GRM8: variants seen among roughly 807,000 people sequenced by gnomAD.
GRM8 encodes the protein glutamate metabotropic receptor 8.
A neutral mutation model predicts 87.2 loss-of-function variants in GRM8; 47 were observed. The observed-to-expected ratio is 0.54, with a 90% confidence interval of 0.43 to 0.69. The LOEUF (loss-of-function observed/expected upper bound fraction) is 0.69. Among genes scored for constraint, GRM8 ranks in the 30% least tolerant of loss-of-function variants. The pLI is 0.00. For missense variants in GRM8, 1,019 were observed against 1,139.2 expected (o/e 0.89, Z 1.52); for synonymous variants, 396 against 404.5 (o/e 0.98, Z 0.25).
intron 8 of GRM8, among the ~76,000 whole-genome samples, chr7:126,540,130 T>A (rs557269009): frequency 1.3e-5 from 2 of 152,194 alleles, no homozygotes; most frequent in African/African-American, 4.8e-5. Flanking sequence ...ATAATCCAAT[T>A]ACAAATGAGC....
chr7:127,243,032 C>T lies in GRM8; in HGVS notation c.173G>A (p.Gly58Glu). The T allele has an allele frequency of 1.2e-6, 2 of 1,614,050 alleles. No individual in the cohort carries two copies. Among genetic ancestry groups the T allele is most frequent in the South Asian group, 1.1e-5 (1 of 91,084 alleles). The change falls in exon 2 of 11, where the codon GGA (glycine) becomes GAA (glutamate). Residue 58 changes from glycine to glutamate, a missense_variant. By Grantham distance (98) the Gly-to-Glu change is moderately conservative (BLOSUM62 -2). Coordinates refer to ENST00000339582, the MANE Select transcript of GRM8 (RefSeq NM_000845.3). ...CTCCCCACAAGGCACCCCTCTCTCTCCCTTTGCGTGGACAGGGAAGAGACC... is the reference window on the plus strand; with the variant it reads ...CTCCCCACAAGGCACCCCTCTCTCTTCCTTTGCGTGGACAGGGAAGAGACC... ...LGGLFPVHAK[G>E]ERGVPCGELK...
chr7:126,797,940 T>C (rs1426051090), intron 6 of GRM8, among the ~76,000 whole-genome samples: 1 of 152,084 alleles, frequency 6.6e-6, no homozygotes, highest in African/African-American at 2.4e-5. Flanking sequence ...AATATTGAAC[T>C]GATAGTATTT....
At chr7:126,902,885 C>A (rs1190173493) in intron 5 of GRM8, among the ~76,000 whole-genome samples, 1 of 152,266 alleles carries the variant, frequency 6.6e-6, no homozygotes, top group Admixed American at 6.5e-5. Flanking sequence ...CCCACACCAC[C>A]ACCAGTACCC....
In GRM8 at chr7:127,055,003, A is replaced by C. The variant is rs1379759610; in HGVS notation, c.727+51493T>G. Reference sequence around the variant, plus strand: ...CATATGGTATGACTACCCATAAGCTATACCACCTTTAGGTACAATAATAGA... The same window carrying C: ...CATATGGTATGACTACCCATAAGCTCTACCACCTTTAGGTACAATAATAGA... On this transcript the variant is annotated intron_variant, in intron 3 of 10. Transcript: ENST00000339582. Among the ~76,000 whole-genome samples the C allele has an allele frequency of 4.6e-5, 7 of 152,298 alleles. No homozygotes were observed. The East Asian group carries it at 1.2e-3, about 25-fold the overall frequency.
At chr7:127,130,917 C>G (rs1019081644) in intron 2 of GRM8, among the ~76,000 whole-genome samples, 2 of 152,142 alleles carry the variant, frequency 1.3e-5, no homozygotes, top group African/African-American at 4.8e-5. Context: ...GCCTTTACAG[C>G]CATGCAGAAC....
chr7:126,761,970 G>A (rs2151578131), intron 7 of GRM8, among the ~76,000 whole-genome samples: 1 of 152,178 alleles, frequency 6.6e-6, no homozygotes, highest in East Asian at 1.9e-4. Flanking sequence ...GTTTGTAAAT[G>A]CTCATGCCTC....
At chr7:126,607,005 A>C (rs983518326) in intron 8 of GRM8, among the ~76,000 whole-genome samples, 1 of 152,244 alleles carries the variant, frequency 6.6e-6, no homozygotes, top group Non-Finnish European at 1.5e-5. Context: ...AATCATCAGA[A>C]TATATTAATG....
At chr7:126,999,958 C>T (rs1193621373) in intron 3 of GRM8, among the ~76,000 whole-genome samples, 1 of 151,752 alleles carries the variant, frequency 6.6e-6, no homozygotes, top group East Asian at 1.9e-4. Context: ...CAGCACTGTT[C>T]ACAATAGCCA....
intron 8 of GRM8, among the ~76,000 whole-genome samples, chr7:126,542,371 G>A (rs529088415): frequency 6.6e-5 from 10 of 152,296 alleles, no homozygotes; most frequent in Non-Finnish European, 1.5e-4. Flanking sequence ...TCACAGTCCA[G>A]GGAACAGAAA....
chr7:127,242,044 C>T (rs1798334694), intron 2 of GRM8, among the ~76,000 whole-genome samples: 1 of 152,100 alleles, frequency 6.6e-6, no homozygotes, highest in Admixed American at 6.5e-5. Flanking sequence ...AAACCTAAAT[C>T]AAAAAGTCTA....
intron 7 of GRM8, among the ~76,000 whole-genome samples, chr7:126,743,733 T>C (rs1200843168): frequency 2.0e-5 from 3 of 152,112 alleles, no homozygotes; most frequent in Non-Finnish European, 2.9e-5. Context: ...CTTCATACAA[T>C]AGTACTTACA....
intron 3 of GRM8, among the ~76,000 whole-genome samples, chr7:127,005,409 A>G (rs11563410): frequency 0.15 from 22,948 of 151,496 alleles, 1,990 homozygotes; most frequent in South Asian, 0.22. Flanking sequence ...GTTCCAGACA[A>G]TATGTGTCTT....
At chr7:126,743,320 C>T (rs898629573) in intron 7 of GRM8, among the ~76,000 whole-genome samples, 3 of 152,076 alleles carry the variant, frequency 2.0e-5, no homozygotes, top group Non-Finnish European at 4.4e-5. Context: ...ATCCCCACCA[C>T]TCATTTTTAA....
chr7:127,235,032 C>A (rs1797903191), intron 2 of GRM8, among the ~76,000 whole-genome samples: 1 of 152,154 alleles, frequency 6.6e-6, no homozygotes, highest in African/African-American at 2.4e-5. Flanking sequence ...TTTACATAGA[C>A]CCTGACTTAT....
At chr7:126,588,566 T>C (rs889184442) in intron 8 of GRM8, among the ~76,000 whole-genome samples, 2 of 152,040 alleles carry the variant, frequency 1.3e-5, no homozygotes, top group Non-Finnish European at 2.9e-5. Context: ...TGCCCATCAG[T>C]GGTGAACTGG....
intron 7 of GRM8, among the ~76,000 whole-genome samples, chr7:126,747,190 G>A (rs576837261): frequency 1.5e-3 from 230 of 152,020 alleles, no homozygotes; most frequent in Non-Finnish European, 2.5e-3. Context: ...GAGGATAGCC[G>A]TATACATAGA....
chr7:126,447,747 T>C (rs1802179308), intron 9 of GRM8, among the ~76,000 whole-genome samples: 1 of 151,948 alleles, frequency 6.6e-6, no homozygotes, highest in Non-Finnish European at 1.5e-5. Flanking sequence ...GTCCAAACCA[T>C]GAGCAGGATG....
At chr7:126,908,832 T>A (rs1802976219) in intron 3 of GRM8, among the ~76,000 whole-genome samples, 1 of 152,232 alleles carries the variant, frequency 6.6e-6, no homozygotes, top group African/African-American at 2.4e-5. Flanking sequence ...TTAATCTATT[T>A]AAGCTGAACA....
intron 6 of GRM8, among the ~76,000 whole-genome samples, chr7:126,796,127 A>G (rs1381134560): frequency 6.6e-6 from 1 of 152,134 alleles, no homozygotes; most frequent in Non-Finnish European, 1.5e-5. Flanking sequence ...TAACAAGAAT[A>G]TATCTTCATA....
Sources: allele counts gnomAD v4.1 joint callset (sites outside exome capture counted in the v4.1 genomes callset), GRCh38; gene constraint gnomAD v4.1.1; transcripts MANE v1.5; gene names NCBI Gene and HGNC (gene_info 2026-07-23, HGNC 2026-07-21).